RASGEF1C: variants seen among roughly 807,000 people sequenced by gnomAD.
RASGEF1C encodes RasGEF domain family member 1C.
Under a neutral mutation model 58.1 loss-of-function variants are expected in RASGEF1C, and 27 were observed. The ratio of observed to expected loss-of-function variants is 0.46; its 90% CI spans 0.34 to 0.64. The LOEUF (loss-of-function observed/expected upper bound fraction) is 0.64, where lower values mean the gene tolerates loss of function less well. RASGEF1C is among the 30% of genes least tolerant of loss of function. The pLI is 0.01. For synonymous variants in RASGEF1C, 243 were observed against 246.3 expected (o/e 0.99, Z 0.13); for missense variants, 502 against 605.1 (o/e 0.83, Z 1.79).
chr5:180,191,746 C>T (rs911185190), intron 1 of RASGEF1C, among the ~76,000 whole-genome samples: 7 of 152,306 alleles, frequency 4.6e-5, no homozygotes, highest in African/African-American at 7.2e-5. Flanking sequence ...TTCTTACTGC[C>T]GTGTAACAAG....
At chr5:180,130,177 AT>A (rs1766341186) in intron 4 of RASGEF1C, among the ~76,000 whole-genome samples, 1 of 152,130 alleles carries the variant, frequency 6.6e-6, no homozygotes, top group African/African-American at 2.4e-5. Flanking sequence ...CGGTGGTCCT[AT>A]CAAAGAAGTC....
chr5:180,182,365 T>C (rs1047595088), intron 1 of RASGEF1C, among the ~76,000 whole-genome samples: 1 of 152,082 alleles, frequency 6.6e-6, no homozygotes, highest in Non-Finnish European at 1.5e-5. Context: ...CGGTGAGTGT[T>C]ACAGCTCTTA....
rs570739725 is a variant in RASGEF1C at position 180,151,904 on chromosome 5, C to T, written c.-6-13846G>A. ...ACAAACAACCCCATCAAAAAGTGGG[C>T]GAAGGATATGAACAGACACTTCTCA... On this transcript the variant is annotated intron_variant, in intron 1 of 13. Coordinates refer to ENST00000361132, the MANE Select transcript of RASGEF1C (RefSeq NM_175062.4). 6.9e-3 allele frequency among the ~76,000 whole-genome samples: 1,042 copies of T among 151,768 alleles called. 17 individuals are homozygous for T. The highest frequency in any genetic ancestry group is 0.022 in the African/African-American group (922 of 41,454).
intron 1 of RASGEF1C, among the ~76,000 whole-genome samples, chr5:180,176,772 G>T (rs1032339750): frequency 6.6e-6 from 1 of 152,122 alleles, no homozygotes; most frequent in African/African-American, 2.4e-5. Context: ...TGGCCAGGAT[G>T]GTCTCGATCT....
chr5:180,115,459 C>A (rs1025523096), intron 10 of RASGEF1C: 6 of 290,288 alleles, frequency 2.1e-5, no homozygotes, highest in South Asian at 1.5e-4. Context: ...TGCGTGCAGG[C>A]CCCCCCAGAC....
At chr5:180,127,710 A>C in intron 5 of RASGEF1C, 27 bp from the exon 6 acceptor site, 1 of 1,606,602 alleles carries the variant, frequency 6.2e-7, no homozygotes, top group Non-Finnish European at 8.5e-7. Context: ...AGAGTGGGTA[A>C]AAGAGGGAAG....
rs1766510764 is a variant in RASGEF1C at position 180,137,872 on chromosome 5, C to G, written c.177+4G>C. On this transcript the variant is annotated splice_donor_region_variant and intron_variant, in intron 2 of 13. Coordinates refer to ENST00000361132, the MANE Select transcript of RASGEF1C (RefSeq NM_175062.4). The surrounding 1 kb of genome is among the most constrained non-coding windows in gnomAD (Gnocchi z 4.1). The stretch of plus-strand genomic sequence containing the variant: ...CTCTCCTGCCCGCTGGGTGGATCAC[C>G]CACCTCGGGGTAGTAGTCGGCTGTG... 2 of 1,611,398 alleles carry G rather than the reference C, an allele frequency of 1.2e-6. No individual in the cohort carries two copies. The highest frequency in any genetic ancestry group is 1.7e-6 in the Non-Finnish European group (2 of 1,179,136).
At chr5:180,159,070 T>G (rs1163398992) in intron 1 of RASGEF1C, among the ~76,000 whole-genome samples, 1 of 152,042 alleles carries the variant, frequency 6.6e-6, no homozygotes, top group Non-Finnish European at 1.5e-5. Context: ...TTTTTGTTCT[T>G]TTTTTCAGAG....
At chr5:180,128,713 T>C in intron 4 of RASGEF1C, 103 bp from the exon 5 acceptor site, 6 of 1,176,538 alleles carry the variant, frequency 5.1e-6, no homozygotes, top group Non-Finnish European at 6.1e-6. Flanking sequence ...GGTCTTTTCC[T>C]CAGGGTCTCT....
intron 7 of RASGEF1C, among the ~76,000 whole-genome samples, chr5:180,120,140 G>A (rs1335224950): frequency 6.6e-6 from 1 of 152,214 alleles, no homozygotes; most frequent in East Asian, 1.9e-4. Flanking sequence ...GCCTACCAAA[G>A]ATGCACCAAG....
rs1227518045 is a variant in RASGEF1C, at chr5:180,136,739, G to A, written c.301-224C>T. 62 of 563,948 alleles carry A rather than the reference G, an allele frequency of 1.1e-4. 1 individual carries two copies. The South Asian group carries it at 1.3e-3, about 12-fold the overall frequency. 34.9% of individuals were successfully genotyped at this position (563,948 alleles called of 1,614,324 possible). A position where few individuals can be genotyped will look rare whatever the true frequency, so the allele number is the denominator to read the frequency against. On this transcript the variant is annotated intron_variant, in intron 3 of 13. Transcript: ENST00000361132. The stretch of plus-strand genomic sequence containing the variant: ...CCATCTCTTGCTCTGGCCTTTCTGC[G>A]GTTGACGGCTCCATCCTCCCTGGTG...
At chr5:180,159,483 T>C (rs891636228) in intron 1 of RASGEF1C, among the ~76,000 whole-genome samples, 5 of 152,200 alleles carry the variant, frequency 3.3e-5, no homozygotes, top group Non-Finnish European at 7.3e-5. Flanking sequence ...GCGCTGCCTT[T>C]TTGTTTCCTC....
Position 180,177,238 on chromosome 5 carries a change from C to T in RASGEF1C, c.-7+31790G>A, listed in dbSNP as rs1201651679. Among the ~76,000 whole-genome samples, 1 of 152,186 alleles carries T rather than the reference C, an allele frequency of 6.6e-6. No homozygotes were observed. The highest frequency in any genetic ancestry group is 2.4e-5 in the African/African-American group (1 of 41,454). On this transcript the variant is annotated intron_variant, in intron 1 of 13. Transcript: ENST00000361132. The surrounding 1 kb of genome is among the most constrained non-coding windows in gnomAD (Gnocchi z 5.0). Reference sequence around the variant, plus strand: ...TGCATTCAAACCATGTGCACATCAGCCCCTCAGCCCCGAAGCCAGGGGCTG... The same window carrying T: ...TGCATTCAAACCATGTGCACATCAGTCCCTCAGCCCCGAAGCCAGGGGCTG...
At chr5:180,190,495 A>T (rs1394468352) in intron 1 of RASGEF1C, among the ~76,000 whole-genome samples, 1 of 64,226 alleles carries the variant, frequency 1.6e-5, no homozygotes, top group African/African-American at 6.1e-5. Context: ...GTCTCAAAAA[A>T]AAAAAAAAAA....
chr5:180,103,861 G>A (rs571392276), intron 12 of RASGEF1C, among the ~76,000 whole-genome samples: 11 of 152,254 alleles, frequency 7.2e-5, no homozygotes, highest in African/African-American at 2.6e-4. Context: ...TCTATTACTA[G>A]TTTCTGAGAG....
chr5:180,174,545 T>TGTGC (rs1767184292), intron 1 of RASGEF1C, among the ~76,000 whole-genome samples: 1 of 126,612 alleles, frequency 7.9e-6, no homozygotes, highest in Non-Finnish European at 1.7e-5. Context: ...TGTGTGCGTG[T>TGTGC]GTGCGTGTGT....
intron 4 of RASGEF1C, among the ~76,000 whole-genome samples, chr5:180,134,351 T>A (rs918732081): frequency 1.3e-5 from 2 of 151,848 alleles, no homozygotes; most frequent in Non-Finnish European, 2.9e-5. Context: ...GGTGGATAGG[T>A]GCTACTAGTT....
intron 1 of RASGEF1C, among the ~76,000 whole-genome samples, chr5:180,142,894 C>T (rs190593454): frequency 3.5e-4 from 54 of 152,204 alleles, no homozygotes; most frequent in African/African-American, 1.2e-3. Context: ...GCTGGGGGCA[C>T]GTGCCCCCGC....
chr5:180,103,940 CTTT>C (rs1181240981), intron 12 of RASGEF1C, among the ~76,000 whole-genome samples: 1 of 152,066 alleles, frequency 6.6e-6, no homozygotes, highest in Non-Finnish European at 1.5e-5. Flanking sequence ...AATCATGTGT[CTTT>C]TCTTCTTTAG....
Sources: gnomAD v4.1 joint callset for allele counts (sites outside exome capture counted in the v4.1 genomes callset) on GRCh38, gnomAD v4.1.1 for gene constraint, Gnocchi (gnomAD v3.1) non-coding constraint, MANE v1.5 for transcripts, NCBI Gene and HGNC (gene_info 2026-07-23, HGNC 2026-07-21) for gene names.